The following RFTN1 variants were observed in gnomAD, a reference collection of about 807,000 sequenced individuals.
RFTN1 encodes raftlin, lipid raft linker 1, also known as raftlin.
In RFTN1, 26 loss-of-function variants were observed where a neutral mutation model predicts 46.5. The observed-to-expected ratio is 0.56, with a 90% CI of 0.41 to 0.78. The LOEUF is 0.78. RFTN1 is among the 30% of genes least tolerant of loss of function. The probability of loss-of-function intolerance (pLI) is 0.00; values close to 1 mark genes in which losing one functional copy is unlikely to be tolerated. For missense variants in RFTN1, 693 were observed against 718.7 expected (o/e 0.96, Z 0.41); for synonymous variants, 261 against 284.2 (o/e 0.92, Z 0.82).
chr3:16,368,158 C>A (rs924297009), intron 6 of RFTN1, among the ~76,000 whole-genome samples: 2 of 146,070 alleles, frequency 1.4e-5, no homozygotes, highest in Non-Finnish European at 3.0e-5. Context: ...TCCTCCCTGG[C>A]CTTCTCTGAC....
rs533082934 is a variant in RFTN1 at position 16,402,008 on chromosome 3, G to T, written c.441+7367C>A. 6.6e-6 allele frequency among the ~76,000 whole-genome samples: 1 copy of T among 152,148 alleles called. No individual in the cohort carries two copies. The highest frequency in any genetic ancestry group is 1.5e-5 in the Non-Finnish European group (1 of 68,018). Reference sequence around the variant, plus strand: ...CCACATCTCTGTTCCTGGCTTTCTTGCAAGTCCCAGCCCAACAACCACAGC... The same window carrying T: ...CCACATCTCTGTTCCTGGCTTTCTTTCAAGTCCCAGCCCAACAACCACAGC... On this transcript the variant is annotated intron_variant, in intron 4 of 9. Coordinates refer to ENST00000334133, the MANE Select transcript of RFTN1 (RefSeq NM_015150.2). The surrounding 1 kb of genome is among the most constrained non-coding windows in gnomAD (Gnocchi z 4.5).
rs1215009090 is a variant in RFTN1 at position 16,348,816 on chromosome 3, C to G, written c.1146+9116G>C. 6.6e-6 allele frequency among the ~76,000 whole-genome samples: 1 copy of G among 152,176 alleles called. No homozygotes were observed. On this transcript the variant is annotated intron_variant, in intron 7 of 9. Transcript: ENST00000334133. The surrounding 1 kb of genome is among the most constrained non-coding windows in gnomAD (Gnocchi z 6.3). ...ATGGATTAAGTCCAGCCCACCTGCC[C>G]CACTGGGAAGCAGGAGGACTGGTTT...
Position 16,426,393 on chromosome 3 carries a change from A to AT in RFTN1, c.332+7457dup, listed in dbSNP as rs1366292484. The stretch of plus-strand genomic sequence containing the variant: ...CTTAAAGAGGACACTTTCGACTGTA[A>AT]TTTTTTAAAGGATTTTCTTTTTAGT... On this transcript the variant is annotated intron_variant, in intron 3 of 9. Coordinates refer to ENST00000334133, the MANE Select transcript of RFTN1 (RefSeq NM_015150.2). The surrounding 1 kb of genome is among the most constrained non-coding windows in gnomAD (Gnocchi z 5.9). Among the ~76,000 whole-genome samples the AT allele has an allele frequency of 3.9e-5, 6 of 152,150 alleles. No individual in the cohort carries two copies. The highest frequency in any genetic ancestry group is 4.1e-4 in the South Asian group (2 of 4,828).
rs1270861594 is a variant in RFTN1 at position 16,384,527 on chromosome 3, A to T, written c.442-6425T>A. ...TCAGCCATCACTGTTGCCCAGGTAA[A>T]GGAAATTTCCCCCATTGTGCTTTGA... On this transcript the variant is annotated intron_variant, in intron 4 of 9. Transcript: ENST00000334133. The surrounding 1 kb of genome is among the most constrained non-coding windows in gnomAD (Gnocchi z 4.7). Among the ~76,000 whole-genome samples the T allele has an allele frequency of 6.6e-6, 1 of 152,180 alleles. No individual in the cohort carries two copies. The highest frequency in any genetic ancestry group is 1.5e-5 in the Non-Finnish European group (1 of 68,030).
At chr3:16,343,426 T>C (rs1026074356) in intron 7 of RFTN1, among the ~76,000 whole-genome samples, 15 of 152,220 alleles carry the variant, frequency 9.9e-5, no homozygotes, top group African/African-American at 3.4e-4. Context: ...GGAAGCCAGC[T>C]ACCTGATTAC....
At chr3:16,419,721 C>T (rs948370069) in intron 3 of RFTN1, among the ~76,000 whole-genome samples, 1 of 152,124 alleles carries the variant, frequency 6.6e-6, no homozygotes, top group East Asian at 1.9e-4. Context: ...GTAAACAAAT[C>T]CTAGCAAATC....
At chr3:16,461,449 T>C (rs2076007272) in intron 2 of RFTN1, among the ~76,000 whole-genome samples, 1 of 152,310 alleles carries the variant, frequency 6.6e-6, no homozygotes, top group South Asian at 2.1e-4. Flanking sequence ...TACATACACA[T>C]AAATGTATGA....
intron 2 of RFTN1, among the ~76,000 whole-genome samples, chr3:16,435,200 T>C (rs2075479284): frequency 6.6e-6 from 1 of 152,220 alleles, no homozygotes; most frequent in African/African-American, 2.4e-5. Flanking sequence ...GTCTATATAT[T>C]TCCCTCCTCT....
At chr3:16,456,979 C>T (rs1176014069) in intron 2 of RFTN1, among the ~76,000 whole-genome samples, 1 of 152,200 alleles carries the variant, frequency 6.6e-6, no homozygotes, top group African/African-American at 2.4e-5. Context: ...AACAAACACT[C>T]TGTGTATTAT....
At chr3:16,416,232 G>A (rs1233646655) in intron 3 of RFTN1, 1 of 455,840 alleles carries the variant, frequency 2.2e-6, no homozygotes, top group Admixed American at 2.4e-5. Flanking sequence ...AGAATGAATA[G>A]GACAAAATGA....
At position 16,450,831 on chromosome 3, in the gene RFTN1, T is replaced by C. The variant is rs1174060551; in HGVS notation, c.146-16794A>G. 2.6e-5 allele frequency among the ~76,000 whole-genome samples: 4 copies of C among 151,526 alleles called. No homozygotes were observed. The highest frequency in any genetic ancestry group is 4.4e-5 in the Non-Finnish European group (3 of 67,898). ...CAAAGCCAAAGAGATGGCTGGGAGATGAGGGAGAGGGATGGCAAAGACAGC... is the reference window on the plus strand; with the variant it reads ...CAAAGCCAAAGAGATGGCTGGGAGACGAGGGAGAGGGATGGCAAAGACAGC... On this transcript the variant is annotated intron_variant, in intron 2 of 9. Coordinates refer to ENST00000334133, the MANE Select transcript of RFTN1 (RefSeq NM_015150.2). The surrounding 1 kb of genome is among the most constrained non-coding windows in gnomAD (Gnocchi z 4.6).
chr3:16,486,815 C>T (rs2076454331), intron 2 of RFTN1, among the ~76,000 whole-genome samples: 2 of 152,242 alleles, frequency 1.3e-5, no homozygotes, highest in South Asian at 4.1e-4. Context: ...ATCATCCTAA[C>T]CCCTAAAGTG....
chr3:16,504,375 C>G lies in RFTN1; in HGVS notation c.-9+9067G>C, dbSNP rs1275289910. Among the ~76,000 whole-genome samples, 1 of 152,160 alleles carries G rather than the reference C, an allele frequency of 6.6e-6. No homozygotes were observed. The highest frequency in any genetic ancestry group is 1.5e-5 in the Non-Finnish European group (1 of 68,030). ...AACACCACCACCCTCATTTTCAGTT[C>G]CACACTGATTTTCTTAGCAACTACC... On this transcript the variant is annotated intron_variant, in intron 1 of 9. Coordinates refer to ENST00000334133, the MANE Select transcript of RFTN1 (RefSeq NM_015150.2). This position sits in a 1 kb window ranked among gnomAD's most constrained non-coding sequence, Gnocchi z 4.4.
rs1158031388 is a variant in RFTN1 at position 16,480,591 on chromosome 3, A to G, written c.145+13134T>C. On this transcript the variant is annotated intron_variant, in intron 2 of 9. Coordinates refer to ENST00000334133, the MANE Select transcript of RFTN1 (RefSeq NM_015150.2). The surrounding 1 kb of genome is among the most constrained non-coding windows in gnomAD (Gnocchi z 4.3). ...ACAGTGGCATGCAACTTGAGGCCAG[A>G]ATCACCTACCTTTTCACACCAGATT... is the stretch of plus-strand genomic sequence containing the variant. Among the ~76,000 whole-genome samples the G allele has an allele frequency of 6.6e-6, 1 of 152,228 alleles. No individual in the cohort carries two copies. Among genetic ancestry groups the G allele is most frequent in the East Asian group, 1.9e-4 (1 of 5,198 alleles).
At chr3:16,323,265 T>C in intron 9 of RFTN1, 111 bp downstream of exon 9, 1 of 754,748 alleles carries the variant, frequency 1.3e-6, no homozygotes, top group Non-Finnish European at 2.2e-6. Flanking sequence ...TTCCTTGGGC[T>C]CTGCGAGCCC....
At position 16,329,445 on chromosome 3, in the gene RFTN1, G is replaced by A. The variant is rs1278701244; in HGVS notation, c.1147-2569C>T. ...CAAGAATAATCCGTTTACAGGTGGG[G>A]CCAGGAGAGAATGCCATTCTGGTCC... On this transcript the variant is annotated intron_variant, in intron 7 of 9. Transcript: ENST00000334133. The surrounding 1 kb of genome is among the most constrained non-coding windows in gnomAD (Gnocchi z 4.5). 6.6e-6 allele frequency among the ~76,000 whole-genome samples: 1 copy of A among 152,182 alleles called. No homozygotes were observed. The highest frequency in any genetic ancestry group is 2.4e-5 in the African/African-American group (1 of 41,444).
At position 16,433,185 on chromosome 3, in the gene RFTN1, T is replaced by TTTTTA. The variant is rs3054563; in HGVS notation, c.332+665_332+666insTAAAA. On this transcript the variant is annotated intron_variant, in intron 3 of 9. Coordinates refer to ENST00000334133, the MANE Select transcript of RFTN1 (RefSeq NM_015150.2). The surrounding 1 kb of genome is among the most constrained non-coding windows in gnomAD (Gnocchi z 4.4). ...TCCCATCCTCACTGTTTTTTTTTTT[T>TTTTTA]AAAAAAATTAATATTGTTCCTTTTG... is the stretch of plus-strand genomic sequence containing the variant. 1.3e-5 allele frequency among the ~76,000 whole-genome samples: 2 copies of TTTTTA among 150,246 alleles called. No homozygotes were observed. Among genetic ancestry groups the TTTTTA allele is most frequent in the East Asian group, 3.9e-4 (2 of 5,150 alleles).
intron 3 of RFTN1, among the ~76,000 whole-genome samples, chr3:16,432,900 G>C (rs2075421029): frequency 6.6e-6 from 1 of 152,320 alleles, no homozygotes; most frequent in East Asian, 1.9e-4. Context: ...GGAAAGGAAA[G>C]AGGAGTCAGT....
At chr3:16,491,902 C>T (rs1278431302) in intron 2 of RFTN1, among the ~76,000 whole-genome samples, 1 of 152,136 alleles carries the variant, frequency 6.6e-6, no homozygotes, top group Admixed American at 6.5e-5. Flanking sequence ...TTGTTTTTCC[C>T]TAATCCTCCC....
Sources: gnomAD v4.1 joint callset for allele counts (sites outside exome capture counted in the v4.1 genomes callset) on GRCh38, gnomAD v4.1.1 for gene constraint, Gnocchi (gnomAD v3.1) non-coding constraint, MANE v1.5 for transcripts, NCBI Gene and HGNC (gene_info 2026-07-23, HGNC 2026-07-21) for gene names.